Variants in SLCO3A1 observed in about 807,000 individuals in gnomAD.
The protein encoded by SLCO3A1 is solute carrier organic anion transporter family member 3A1, also known as PGE1 transporter.
SLCO3A1 carries 27 observed loss-of-function variants against 63.1 expected under a neutral mutation model. The ratio of observed to expected loss-of-function variants is 0.43; its 90% CI spans 0.32 to 0.59. The LOEUF is 0.59. Ranked by LOEUF, SLCO3A1 falls within the 20% of genes least tolerant of loss-of-function variation. SLCO3A1 has a pLI of 0.09. For missense variants in SLCO3A1, 773 were observed against 945.8 expected (o/e 0.82, Z 2.40); for synonymous variants, 473 against 409.9 (o/e 1.15, Z -1.86).
At chr15:92,128,010 C>G (rs1212354448) in intron 6 of SLCO3A1, among the ~76,000 whole-genome samples, 1 of 152,166 alleles carries the variant, frequency 6.6e-6, no homozygotes, top group South Asian at 2.1e-4. Context: ...CCAACTGCCA[C>G]CAGCCCAGAG....
chr15:91,888,288 C>G (rs1897776948), intron 1 of SLCO3A1, among the ~76,000 whole-genome samples: 1 of 152,206 alleles, frequency 6.6e-6, no homozygotes, highest in Non-Finnish European at 1.5e-5. Flanking sequence ...GGTTCAGAGA[C>G]TGGCCCGTCG....
intron 4 of SLCO3A1, among the ~76,000 whole-genome samples, chr15:92,106,226 A>C (rs1238717142): frequency 6.6e-6 from 1 of 152,218 alleles, no homozygotes; most frequent in Non-Finnish European, 1.5e-5. Flanking sequence ...GGTTTCTACC[A>C]ATGCTGTAAT....
rs947406333 is a variant in SLCO3A1 at position 91,872,634 on chromosome 15, A to T, written c.180+18546A>T. Among the ~76,000 whole-genome samples, 7 of 152,176 alleles carry T rather than the reference A, an allele frequency of 4.6e-5. No homozygotes were observed. The highest frequency in any genetic ancestry group is 9.6e-5 in the African/African-American group (4 of 41,454). ...TTGAGTCTCTTGGTTCCAGCTCTAA[A>T]TTCCCTTCTCTTTGATCACACCACG... On this transcript the variant is annotated intron_variant, in intron 1 of 9. Coordinates refer to ENST00000318445, the MANE Select transcript of SLCO3A1 (RefSeq NM_013272.4). This position sits in a 1 kb window ranked among gnomAD's most constrained non-coding sequence, Gnocchi z 4.1.
At chr15:92,017,535 G>A (rs1252651225) in intron 2 of SLCO3A1, among the ~76,000 whole-genome samples, 1 of 152,152 alleles carries the variant, frequency 6.6e-6, no homozygotes, top group East Asian at 1.9e-4. Flanking sequence ...AATGGGTGTA[G>A]AGGTGGATAT....
chr15:92,035,621 A>G (rs949408401), intron 2 of SLCO3A1, among the ~76,000 whole-genome samples: 1 of 151,624 alleles, frequency 6.6e-6, no homozygotes, highest in Non-Finnish European at 1.5e-5. Flanking sequence ...AGGGAGGACA[A>G]AGCTCACATA....
intron 2 of SLCO3A1, among the ~76,000 whole-genome samples, chr15:92,069,096 GCC>G (rs56003783): frequency 0.48 from 55,414 of 115,406 alleles, 9,721 homozygotes; most frequent in Admixed American, 0.59. Context: ...GGCTCCCCCC[GCC>G]CCCCCCCCGC....
At chr15:92,171,695 T>C (rs2048522337) in intron 10 of SLCO3A1, 2 of 967,562 alleles carry the variant, frequency 2.1e-6, no homozygotes. Flanking sequence ...CATCATGCTA[T>C]TAAATAAGCC....
intron 1 of SLCO3A1, among the ~76,000 whole-genome samples, chr15:91,910,682 T>C (rs1344873423): frequency 6.6e-6 from 1 of 152,216 alleles, no homozygotes; most frequent in African/African-American, 2.4e-5. Flanking sequence ...TGCTCCAGAC[T>C]TACACTGATA....
At chr15:92,004,418 G>A (rs1021968157) in intron 2 of SLCO3A1, among the ~76,000 whole-genome samples, 3 of 152,256 alleles carry the variant, frequency 2.0e-5, no homozygotes, top group African/African-American at 7.2e-5. Context: ...GCAGCTAAGA[G>A]TATAGCTGGT....
At chr15:91,976,552 C>T (rs1901118716) in intron 2 of SLCO3A1, among the ~76,000 whole-genome samples, 1 of 152,100 alleles carries the variant, frequency 6.6e-6, no homozygotes, top group East Asian at 1.9e-4. Flanking sequence ...TCCTCCTTCT[C>T]CTTGGAGTAG....
chr15:91,856,769 G>T lies in SLCO3A1; in HGVS notation c.180+2681G>T, dbSNP rs1344328839. Among the ~76,000 whole-genome samples, 1 of 152,184 alleles carries T rather than the reference G, an allele frequency of 6.6e-6. No homozygotes were observed. Among genetic ancestry groups the T allele is most frequent in the African/African-American group, 2.4e-5 (1 of 41,450 alleles). ...GAGGAAGGACTTGCCTTGGGACAGT[G>T]CCAGTAATGCTCCCTTTCACAGAGA... is the stretch of plus-strand genomic sequence containing the variant. On this transcript the variant is annotated intron_variant, in intron 1 of 9. Coordinates refer to ENST00000318445, the MANE Select transcript of SLCO3A1 (RefSeq NM_013272.4). This position sits in a 1 kb window ranked among gnomAD's most constrained non-coding sequence, Gnocchi z 4.9.
In SLCO3A1 at chr15:91,881,752, C is replaced by G. The variant is rs548123532; in HGVS notation, c.180+27664C>G. On this transcript the variant is annotated intron_variant, in intron 1 of 9. Coordinates refer to ENST00000318445, the MANE Select transcript of SLCO3A1 (RefSeq NM_013272.4). The stretch of plus-strand genomic sequence containing the variant: ...CCCCTGTGGTAAATAAGCAACATGC[C>G]GAGTCTACCAGGAAGGGAAACACGA... Among the ~76,000 whole-genome samples, 16 of 152,188 alleles carry G rather than the reference C, an allele frequency of 1.1e-4. No individual in the cohort carries two copies. In the South Asian group the frequency reaches 2.1e-3, roughly 20 times the overall value.
At chr15:92,118,228 C>A (rs973064400) in intron 4 of SLCO3A1, among the ~76,000 whole-genome samples, 1 of 152,138 alleles carries the variant, frequency 6.6e-6, no homozygotes, top group African/African-American at 2.4e-5. Context: ...CAGAGAGTTG[C>A]CTTTCTAATG....
chr15:91,984,707 G>C (rs1037568374), intron 2 of SLCO3A1, among the ~76,000 whole-genome samples: 1 of 152,188 alleles, frequency 6.6e-6, no homozygotes, highest in African/African-American at 2.4e-5. Flanking sequence ...TCAAGACATA[G>C]AGATATTTAG....
At chr15:91,960,899 A>G (rs1178387581) in intron 2 of SLCO3A1, among the ~76,000 whole-genome samples, 2 of 152,216 alleles carry the variant, frequency 1.3e-5, no homozygotes, top group African/African-American at 2.4e-5. Context: ...TCAGCACTCA[A>G]AAGGATTTGT....
At chr15:92,102,310 T>A (rs2047614750) in intron 3 of SLCO3A1, among the ~76,000 whole-genome samples, 1 of 152,220 alleles carries the variant, frequency 6.6e-6, no homozygotes, top group South Asian at 2.1e-4. Context: ...GATCACCTTG[T>A]GTTTTCCCAT....
chr15:92,166,591 C>T (rs993244712), downstream of SLCO3A1, among the ~76,000 whole-genome samples: 4 of 152,156 alleles, frequency 2.6e-5, no homozygotes, highest in African/African-American at 9.7e-5. Flanking sequence ...CCAGCCCTTA[C>T]AGTCAAAAAG....
Position 92,094,875 on chromosome 15 carries a change from CT to C in SLCO3A1, c.647-4del, listed in dbSNP as rs777032284. 1.9e-5 allele frequency: 31 copies of C among 1,603,264 alleles called. No homozygotes were observed. The South Asian group carries it at 3.1e-4, about 16-fold the overall frequency. ...GTAATCTATTTTTTTCTTCATCTTC[CT>C]TCAGGAATCCTGTTCACGATGCTGG... On this transcript the variant is annotated splice_region_variant and splice_polypyrimidine_tract_variant and intron_variant, in intron 2 of 9. Transcript: ENST00000318445.
chr15:91,958,542 A>G (rs1369003834), intron 2 of SLCO3A1, among the ~76,000 whole-genome samples: 2 of 152,172 alleles, frequency 1.3e-5, no homozygotes, highest in Admixed American at 6.5e-5. Context: ...CATATGCCTC[A>G]CCTTGAGGGC....
Sources: gnomAD v4.1 joint callset for allele counts (sites outside exome capture counted in the v4.1 genomes callset) on GRCh38, gnomAD v4.1.1 for gene constraint, Gnocchi (gnomAD v3.1) non-coding constraint, MANE v1.5 for transcripts, NCBI Gene and HGNC (gene_info 2026-07-23, HGNC 2026-07-21) for gene names.